DDX59: variants seen among roughly 807,000 people sequenced by gnomAD.
DDX59 encodes the protein DEAD-box helicase 59, also known as probable ATP-dependent RNA helicase DDX59.
DDX59 carries 30 observed loss-of-function variants against 51.9 expected under a neutral mutation model. The observed-to-expected ratio is 0.58, with a 90% CI of 0.43 to 0.78. The LOEUF (loss-of-function observed/expected upper bound fraction) is 0.78, where lower values mean the gene tolerates loss of function less well. Ranked by LOEUF, DDX59 falls within the 30% of genes least tolerant of loss-of-function variation. DDX59 has a pLI of 0.00. For synonymous variants in DDX59, 255 were observed against 253.3 expected (o/e 1.01, Z -0.06); for missense variants, 672 against 730.8 (o/e 0.92, Z 0.93).
rs900824365 is a variant in DDX59 at position 200,669,899 on chromosome 1, G to C, written c.-144C>G. ...ACTGCGGCCCGGGGTTGGTGGTGCG[G>C]AGCGGAGCGGAGCGGAGCGTAGAGT... is the stretch of plus-strand genomic sequence containing the variant. On this transcript the variant is annotated 5_prime_UTR_variant, in exon 1 of 8. Transcript: ENST00000331314. The C allele has an allele frequency of 9.6e-6, 1 of 104,230 alleles. No individual in the cohort carries two copies. The highest frequency in any genetic ancestry group is 3.3e-5 in the African/African-American group (1 of 30,394). 6.5% of individuals were successfully genotyped at this position (104,230 alleles called of 1,614,324 possible).
At chr1:200,658,021 A>G (rs1015317544) in intron 4 of DDX59, among the ~76,000 whole-genome samples, 1 of 152,214 alleles carries the variant, frequency 6.6e-6, no homozygotes, top group Admixed American at 6.5e-5. Flanking sequence ...GTAAATGTTC[A>G]AATCTTGGTC....
At chr1:200,646,146 C>T (rs976303493) in intron 7 of DDX59, among the ~76,000 whole-genome samples, 2 of 152,022 alleles carry the variant, frequency 1.3e-5, no homozygotes, top group African/African-American at 4.8e-5. Context: ...CCAGCCAGGG[C>T]AACATAGCAA....
At chr1:200,645,940 C>T (rs1012720827) in intron 7 of DDX59, among the ~76,000 whole-genome samples, 3 of 151,686 alleles carry the variant, frequency 2.0e-5, no homozygotes, top group Non-Finnish European at 4.4e-5. Flanking sequence ...CTGAATTGTT[C>T]CAATAAAAAT....
At chr1:200,652,803 GGACCACAGGTGT>G (rs201376611) in intron 4 of DDX59, among the ~76,000 whole-genome samples, 3,814 of 151,888 alleles carry the variant, frequency 0.025, 64 homozygotes, top group Middle Eastern at 0.048. Context: ...TGAGTAGCTG[GGACCACAGGTGT>G]GACCACAGGC....
intron 4 of DDX59, among the ~76,000 whole-genome samples, chr1:200,658,653 G>C (rs773869049): frequency 6.6e-6 from 1 of 152,052 alleles, no homozygotes; most frequent in Non-Finnish European, 1.5e-5. Context: ...CTGTGTTTCC[G>C]TCACTGCACT....
intron 7 of DDX59, among the ~76,000 whole-genome samples, chr1:200,645,609 G>A (rs1661248705): frequency 1.3e-5 from 2 of 152,046 alleles, no homozygotes; most frequent in Non-Finnish European, 2.9e-5. Context: ...AATTTATGGA[G>A]TATCAATAAG....
rs570514807 is a variant in DDX59, at chr1:200,653,133, A to C, written c.1063-2457T>G. Among the ~76,000 whole-genome samples, 37 of 152,150 alleles carry C rather than the reference A, an allele frequency of 2.4e-4. No homozygotes were observed. The South Asian group carries it at 7.3e-3, about 30-fold the overall frequency. ...GCTCTCTCCTCAGATAAGATCAACA[A>C]ATTCCACGGCTCTGAATATCATGCA... On this transcript the variant is annotated intron_variant, in intron 4 of 7. Coordinates refer to ENST00000331314, the MANE Select transcript of DDX59 (RefSeq NM_001031725.6).
downstream of DDX59, among the ~76,000 whole-genome samples, chr1:200,642,804 T>C (rs1661087165): frequency 6.6e-6 from 1 of 152,170 alleles, no homozygotes; most frequent in African/African-American, 2.4e-5. Flanking sequence ...CCTCCACCTC[T>C]AACTCATCAC....
intron 5 of DDX59, 142 bp from the exon 6 acceptor site, chr1:200,649,368 C>G: frequency 1.3e-6 from 1 of 778,092 alleles, no homozygotes; most frequent in Non-Finnish European, 1.9e-6. Context: ...GTGGCTCACA[C>G]CTGTAATCTC....
chr1:200,659,991 A>G (rs955018522), intron 3 of DDX59, among the ~76,000 whole-genome samples: 1 of 151,980 alleles, frequency 6.6e-6, no homozygotes, highest in Non-Finnish European at 1.5e-5. Flanking sequence ...GCTTATTTTT[A>G]CCTTTTTTTA....
chr1:200,644,895 C>A (rs1397944502), intron 7 of DDX59, among the ~76,000 whole-genome samples: 39 of 80,926 alleles, frequency 4.8e-4, no homozygotes, highest in African/African-American at 1.4e-3. Flanking sequence ...GACTCCATCT[C>A]AAAAAAAAAA....
At chr1:200,665,188 G>A (rs1282847673) in intron 2 of DDX59, among the ~76,000 whole-genome samples, 1 of 152,176 alleles carries the variant, frequency 6.6e-6, no homozygotes, top group Non-Finnish European at 1.5e-5. Flanking sequence ...AGGTGCGGTG[G>A]CTCATGCCTG....
intron 4 of DDX59, 28 bp from the exon 5 acceptor site, chr1:200,650,704 CTTGT>C: frequency 6.4e-7 from 1 of 1,552,200 alleles, no homozygotes; most frequent in South Asian, 1.2e-5. Context: ...TAAAGTTAGT[CTTGT>C]TTGACATTAA....
downstream of DDX59, among the ~76,000 whole-genome samples, chr1:200,643,020 T>G (rs1268644301): frequency 6.6e-6 from 1 of 152,206 alleles, no homozygotes; most frequent in Non-Finnish European, 1.5e-5. Flanking sequence ...CTAATATTTT[T>G]TTGCATTACT....
downstream of DDX59, among the ~76,000 whole-genome samples, chr1:200,643,711 A>G (rs1196526500): frequency 2.7e-5 from 4 of 147,300 alleles, no homozygotes; most frequent in Non-Finnish European, 6.0e-5. Flanking sequence ...CATTCATTCA[A>G]TAACACAATG....
intron 5 of DDX59, 70 bp from the exon 6 acceptor site, chr1:200,649,296 A>AGTTT: frequency 7.3e-7 from 1 of 1,365,464 alleles, no homozygotes; most frequent in Non-Finnish European, 9.9e-7. Flanking sequence ...TTTTTCTGAA[A>AGTTT]GATTATCACA....
At chr1:200,659,660 C>A (rs962018595) in intron 3 of DDX59, among the ~76,000 whole-genome samples, 2 of 152,126 alleles carry the variant, frequency 1.3e-5, no homozygotes, top group African/African-American at 4.8e-5. Flanking sequence ...TTGCTTAAGG[C>A]TCTTAATAAT....
intron 5 of DDX59, 122 bp from the exon 6 acceptor site, chr1:200,649,348 G>A: frequency 9.9e-7 from 1 of 1,006,670 alleles, no homozygotes; most frequent in Non-Finnish European, 1.4e-6. Flanking sequence ...TAAGAAGGAG[G>A]CTGGGCGCGG....
At chr1:200,652,970 C>T (rs1292424385) in intron 4 of DDX59, among the ~76,000 whole-genome samples, 1 of 152,174 alleles carries the variant, frequency 6.6e-6, no homozygotes, top group Non-Finnish European at 1.5e-5. Flanking sequence ...CAGGCGTGGG[C>T]CCCTGCACCC....
Sources: gnomAD v4.1 joint callset for allele counts (sites outside exome capture counted in the v4.1 genomes callset) on GRCh38, gnomAD v4.1.1 for gene constraint, MANE v1.5 for transcripts, NCBI Gene and HGNC (gene_info 2026-07-23, HGNC 2026-07-21) for gene names.